EPHA8: variants seen among roughly 807,000 people sequenced by gnomAD.
EPHA8 encodes the protein ephrin type-A receptor 8.
Under a neutral mutation model 103.6 loss-of-function variants are expected in EPHA8, and 58 were observed. The ratio of observed to expected loss-of-function variants is 0.56; its 90% CI spans 0.45 to 0.70. The LOEUF (loss-of-function observed/expected upper bound fraction) is 0.70. Among genes scored for constraint, EPHA8 ranks in the 30% least tolerant of loss-of-function variants. The probability of loss-of-function intolerance (pLI) is 0.00; values close to 1 mark genes in which losing one functional copy is unlikely to be tolerated. For missense variants in EPHA8, 1,304 were observed against 1,395.2 expected, an observed-to-expected ratio of 0.93 and a Z score of 1.04; for synonymous variants, 559 against 572.5, an observed-to-expected ratio of 0.98 and a Z score of 0.34.
intron 3 of EPHA8, among the ~76,000 whole-genome samples, chr1:22,579,243 GTATA>G (rs540122871): frequency 6.6e-6 from 1 of 151,676 alleles, no homozygotes; most frequent in African/African-American, 2.4e-5. Context: ...GTGCATGTGA[GTATA>G]TGTGTACATG....
chr1:22,594,938 T>C (rs143360045), intron 7 of EPHA8, among the ~76,000 whole-genome samples: 51 of 152,312 alleles, frequency 3.3e-4, no homozygotes, highest in Non-Finnish European at 5.3e-4. Context: ...CAGGCATTTA[T>C]TGGCTCAGAG....
At chr1:22,571,854 TAGTG>T (rs1347406492) in intron 2 of EPHA8, among the ~76,000 whole-genome samples, 1 of 151,928 alleles carries the variant, frequency 6.6e-6, no homozygotes, top group African/African-American at 2.4e-5. Flanking sequence ...CTGGGCAACA[TAGTG>T]AGACCCTTTC....
At position 22,586,652 on chromosome 1, in the gene EPHA8, G is replaced by A. The variant is rs1641217835; in HGVS notation, c.979+17G>A. The A allele has an allele frequency of 1.2e-6, 2 of 1,612,508 alleles. No homozygotes were observed. Among genetic ancestry groups the A allele is most frequent in the Admixed American group, 1.7e-5 (1 of 59,954 alleles). On this transcript the variant is annotated intron_variant, in intron 4 of 16. Coordinates refer to ENST00000166244, the MANE Select transcript of EPHA8 (RefSeq NM_020526.5). ...CCTGCACCCGTGAGTACCACTCCGAGATGCCAGTACCCTTGAGCCCAAGAC... is the reference window on the plus strand; with the variant it reads ...CCTGCACCCGTGAGTACCACTCCGAAATGCCAGTACCCTTGAGCCCAAGAC...
rs145472393 is a variant in EPHA8, at chr1:22,590,564, G to C, written c.1315+1358G>C. Reference sequence around the variant, plus strand: ...TCCTGGAAACACTTTTCTCTTGCTCGTGTGTCCCAGCCCACGCCCATTTTC... The same window carrying C: ...TCCTGGAAACACTTTTCTCTTGCTCCTGTGTCCCAGCCCACGCCCATTTTC... On this transcript the variant is annotated intron_variant, in intron 5 of 16. Coordinates refer to ENST00000166244, the MANE Select transcript of EPHA8 (RefSeq NM_020526.5). Among the ~76,000 whole-genome samples, 188 of 151,992 alleles carry C rather than the reference G, an allele frequency of 1.2e-3. 1 individual carries two copies. In the East Asian group the frequency reaches 0.019, roughly 15 times the overall value.
chr1:22,600,472 CTCCT>C (rs944718979), intron 13 of EPHA8, among the ~76,000 whole-genome samples, 185 bp from the exon 14 acceptor site: 1 of 152,030 alleles, frequency 6.6e-6, no homozygotes, highest in Non-Finnish European at 1.5e-5. Context: ...GTCTCACTCC[CTCCT>C]TCCTTCGTCT....
At position 22,576,343 on chromosome 1, in the gene EPHA8, C is replaced by G. The variant is rs1391875727; in HGVS notation, c.286C>G (p.Arg96Gly). 1.2e-6 allele frequency: 2 copies of G among 1,613,760 alleles called. No individual in the cohort carries two copies. Among genetic ancestry groups the G allele is most frequent in the Non-Finnish European group, 8.5e-7 (1 of 1,180,016 alleles). The change falls in exon 3 of 17, where the codon CGC (arginine) becomes GGC (glycine). Residue 96 changes from arginine to glycine, a missense_variant. By Grantham distance (125) the Arg-to-Gly change is moderately radical. Coordinates refer to ENST00000166244, the MANE Select transcript of EPHA8 (RefSeq NM_020526.5). The surrounding 1 kb of genome is among the most constrained non-coding windows in gnomAD (Gnocchi z 4.8). ...TSWVPRDGARRVYAEIKFTLR... is the reference protein window; with the variant it reads ...TSWVPRDGARGVYAEIKFTLR... Reference sequence around the variant, plus strand: ...CTGGGTCCCCCGAGACGGCGCCCGGCGCGTCTATGCTGAGATCAAGTTTAC... The same window carrying G: ...CTGGGTCCCCCGAGACGGCGCCCGGGGCGTCTATGCTGAGATCAAGTTTAC...
chr1:22,578,177 T>TGA (rs1491265014), intron 3 of EPHA8, among the ~76,000 whole-genome samples: 13 of 89,176 alleles, frequency 1.5e-4, no homozygotes, highest in South Asian at 5.1e-4. Context: ...TATGTGTGCA[T>TGA]GTGTGTGCGT....
chr1:22,598,994 T>G lies in EPHA8; in HGVS notation c.2335T>G (p.Phe779Val). 6.2e-7 allele frequency: 1 copy of G among 1,611,614 alleles called. No homozygotes were observed. Among genetic ancestry groups the G allele is most frequent in the South Asian group, 1.1e-5 (1 of 90,684 alleles). ...CAACCTGGTCTGCAAGGTGTCTGACTTCGGGCTCTCACGGGTGCTGGAGGA... is the reference window on the plus strand; with the variant it reads ...CAACCTGGTCTGCAAGGTGTCTGACGTCGGGCTCTCACGGGTGCTGGAGGA... ...DSNLVCKVSD[F>V]GLSRVLEDDP... The change falls in exon 13 of 17, where the codon TTC becomes GTC. Residue 779 changes from phenylalanine to valine, a missense_variant. Physicochemically the swap from Phe to Val is conservative, Grantham distance 50 (BLOSUM62 -1). Transcript: ENST00000166244. The surrounding 1 kb of genome is among the most constrained non-coding windows in gnomAD (Gnocchi z 5.1).
In EPHA8 at chr1:22,567,526, G is replaced by A. The variant is rs140038383; in HGVS notation, c.95-1763G>A. The stretch of plus-strand genomic sequence containing the variant: ...CCCCTGATCCCAAGTGGCCCCTGGG[G>A]ACCCAGGGAGGAATGCAGGGAGGAG... On this transcript the variant is annotated intron_variant, in intron 1 of 16. Transcript: ENST00000166244. The surrounding 1 kb of genome is among the most constrained non-coding windows in gnomAD (Gnocchi z 4.2). Among the ~76,000 whole-genome samples the A allele has an allele frequency of 2.3e-3, 353 of 152,190 alleles. No individual in the cohort carries two copies. The highest frequency in any genetic ancestry group is 7.9e-3 in the African/African-American group (329 of 41,518).
chr1:22,585,674 G>A (rs755160087), intron 3 of EPHA8, among the ~76,000 whole-genome samples: 7 of 152,238 alleles, frequency 4.6e-5, no homozygotes, highest in Non-Finnish European at 1.0e-4. Flanking sequence ...AGGCAGGGCT[G>A]GAAGCCAAGT....
Position 22,589,626 on chromosome 1 carries a change from T to C in EPHA8, c.1315+420T>C, listed in dbSNP as rs1641323414. On this transcript the variant is annotated intron_variant, in intron 5 of 16. Transcript: ENST00000166244. This position sits in a 1 kb window ranked among gnomAD's most constrained non-coding sequence, Gnocchi z 4.3. ...AAATGTCATTAAAAAATAAAATCAC[T>C]CGGATGATCATTTTCCAGAACAGCT... 2 of 1,234,452 alleles carry C rather than the reference T, an allele frequency of 1.6e-6. No individual in the cohort carries two copies. Among genetic ancestry groups the C allele is most frequent in the African/African-American group, 1.6e-5 (1 of 64,442 alleles). The allele number at this position is 1,234,452 out of a possible 1,614,324, so 76.5% of individuals were successfully genotyped here. A position where few individuals can be genotyped will look rare whatever the true frequency, so the allele number is the denominator to read the frequency against.
chr1:22,592,438 C>G (rs868457803), intron 5 of EPHA8, among the ~76,000 whole-genome samples: 1 of 152,210 alleles, frequency 6.6e-6, no homozygotes, highest in Non-Finnish European at 1.5e-5. Context: ...GGAGCCAAGT[C>G]CCGAACCCAC....
In EPHA8 at chr1:22,598,682, C is replaced by A. The variant is rs1015923540; in HGVS notation, c.2179-156C>A. ...AGGGTAAATGAGACCAGGAGAATAA[C>A]CCTTAACTGCAAAGTGCTTCAGAAG... On this transcript the variant is annotated intron_variant, in intron 12 of 16. Transcript: ENST00000166244. The surrounding 1 kb of genome is among the most constrained non-coding windows in gnomAD (Gnocchi z 5.1). Among the ~76,000 whole-genome samples the A allele has an allele frequency of 5.3e-5, 8 of 152,182 alleles. No individual in the cohort carries two copies. The highest frequency in any genetic ancestry group is 1.9e-4 in the African/African-American group (8 of 41,442).
chr1:22,576,988 C>G lies in EPHA8; in HGVS notation c.823+108C>G. On this transcript the variant is annotated intron_variant, in intron 3 of 16. Transcript: ENST00000166244. This position sits in a 1 kb window ranked among gnomAD's most constrained non-coding sequence, Gnocchi z 4.8. The stretch of plus-strand genomic sequence containing the variant: ...TCAGAGCCCACAGGCACCTGAGTGA[C>G]CCACACAGCCCCTGGGAAGATGGAT... 1 of 1,246,310 alleles carries G rather than the reference C, an allele frequency of 8.0e-7. No individual in the cohort carries two copies. Among genetic ancestry groups the G allele is most frequent in the Non-Finnish European group, 1.1e-6 (1 of 924,254 alleles). 77.2% of individuals were successfully genotyped at this position (1,246,310 alleles called of 1,614,324 possible).
chr1:22,567,235 G>C lies in EPHA8; in HGVS notation c.95-2054G>C, dbSNP rs929961217. Among the ~76,000 whole-genome samples the C allele has an allele frequency of 1.3e-5, 2 of 152,194 alleles. No homozygotes were observed. Among genetic ancestry groups the C allele is most frequent in the Non-Finnish European group, 2.9e-5 (2 of 68,024 alleles). On this transcript the variant is annotated intron_variant, in intron 1 of 16. Coordinates refer to ENST00000166244, the MANE Select transcript of EPHA8 (RefSeq NM_020526.5). This position sits in a 1 kb window ranked among gnomAD's most constrained non-coding sequence, Gnocchi z 4.2. ...CCCAGTCACCCCGAGACCTGTGTCT[G>C]GGATGCGGGGTGGGGCGGGGGGACC...
rs1219125096 is a variant in EPHA8, at chr1:22,589,159, C to G, written c.1268C>G (p.Pro423Arg). The G allele has an allele frequency of 5.6e-6, 9 of 1,613,848 alleles. No homozygotes were observed. Among genetic ancestry groups the G allele is most frequent in the Non-Finnish European group, 6.8e-6 (8 of 1,179,978 alleles). The change falls in exon 5 of 17, where the codon CCC becomes CGC. Residue 423 changes from proline (P) to arginine (R), a missense_variant. By Grantham distance (103) the Pro-to-Arg change is moderately radical. Transcript: ENST00000166244. The surrounding 1 kb of genome is among the most constrained non-coding windows in gnomAD (Gnocchi z 4.3). ...EAVNGVSDLS[P>R]EPRRAAVVNI... ...GTCAATGGCGTGTCCGACCTGAGCCCCGAGCCCCGCCGGGCCGCTGTGGTC... is the reference window on the plus strand; with the variant it reads ...GTCAATGGCGTGTCCGACCTGAGCCGCGAGCCCCGCCGGGCCGCTGTGGTC...
At chr1:22,571,062 C>T (rs926400275) in intron 2 of EPHA8, among the ~76,000 whole-genome samples, 3 of 152,120 alleles carry the variant, frequency 2.0e-5, no homozygotes, top group Non-Finnish European at 2.9e-5. Flanking sequence ...TGGCTGGCTC[C>T]GGGGTGTCTT....
At chr1:22,570,495 G>GGAT (rs1640508385) in intron 2 of EPHA8, among the ~76,000 whole-genome samples, 2 of 152,244 alleles carry the variant, frequency 1.3e-5, no homozygotes, top group Admixed American at 6.5e-5. Flanking sequence ...GAGGACAGAA[G>GGAT]AATAATAATA....
rs1346615197 is a variant in EPHA8 at position 22,569,677 on chromosome 1, T to C, written c.159+324T>C. Among the ~76,000 whole-genome samples, 2 of 152,164 alleles carry C rather than the reference T, an allele frequency of 1.3e-5. No homozygotes were observed. Among genetic ancestry groups the C allele is most frequent in the Non-Finnish European group, 2.9e-5 (2 of 68,026 alleles). ...AGAAGGCCAGCCAGGCCTTCCTGCC[T>C]TCTGGGTTGCTCCCTCCCTCCCAGC... On this transcript the variant is annotated intron_variant, in intron 2 of 16. Transcript: ENST00000166244. This position sits in a 1 kb window ranked among gnomAD's most constrained non-coding sequence, Gnocchi z 4.5.
Sources: gnomAD v4.1 joint callset for allele counts (sites outside exome capture counted in the v4.1 genomes callset) on GRCh38, gnomAD v4.1.1 for gene constraint, Gnocchi (gnomAD v3.1) non-coding constraint, MANE v1.5 for transcripts, NCBI Gene and HGNC (gene_info 2026-07-23, HGNC 2026-07-21) for gene names.